ROBO2: variants seen among roughly 807,000 people sequenced by gnomAD.
ROBO2 encodes the protein roundabout guidance receptor 2, also known as roundabout homolog 2.
Under a neutral mutation model 160.8 loss-of-function variants are expected in ROBO2, and 53 were observed. That is an observed-to-expected ratio of 0.33 (90% CI 0.26 to 0.41). The LOEUF (loss-of-function observed/expected upper bound fraction) is 0.41. Among genes scored for constraint, ROBO2 ranks in the 10% least tolerant of loss-of-function variants. The pLI is 1.00. For synonymous variants in ROBO2, 664 were observed against 611.7 expected, an observed-to-expected ratio of 1.09 and a Z score of -1.26; for missense variants, 1,577 against 1,722.4, an observed-to-expected ratio of 0.92 and a Z score of 1.49.
At chr3:76,961,261 A>AAC (rs1553707540) in intron 2 of ROBO2, among the ~76,000 whole-genome samples, 1 of 151,794 alleles carries the variant, frequency 6.6e-6, no homozygotes, top group African/African-American at 2.4e-5. Context: ...AAAAAAAAAA[A>AAC]AAAAAAACAC....
At chr3:76,788,044 C>CT (rs936503625) in intron 2 of ROBO2, among the ~76,000 whole-genome samples, 36 of 148,452 alleles carry the variant, frequency 2.4e-4, no homozygotes, top group East Asian at 1.6e-3. Flanking sequence ...ACAAACAAGA[C>CT]TTTTTTTTTT....
chr3:76,502,526 T>A (rs1049843414), intron 2 of ROBO2, among the ~76,000 whole-genome samples: 1 of 152,224 alleles, frequency 6.6e-6, no homozygotes, highest in Non-Finnish European at 1.5e-5. Context: ...ACATTTTACT[T>A]AGAAATAAAA....
At chr3:76,440,278 T>A (rs2076867198) in intron 2 of ROBO2, among the ~76,000 whole-genome samples, 1 of 152,042 alleles carries the variant, frequency 6.6e-6, no homozygotes, top group South Asian at 2.1e-4. Context: ...TACATTAAGT[T>A]TTAGGATACA....
chr3:77,394,322 G>C (rs890115743), intron 2 of ROBO2, among the ~76,000 whole-genome samples: 1 of 152,096 alleles, frequency 6.6e-6, no homozygotes, highest in Non-Finnish European at 1.5e-5. Context: ...CTGGGAGGGA[G>C]ATGCCGTTGG....
chr3:76,436,424 C>T (rs542661866), intron 2 of ROBO2, among the ~76,000 whole-genome samples: 1 of 152,296 alleles, frequency 6.6e-6, no homozygotes, highest in Admixed American at 6.5e-5. Flanking sequence ...TGTCCAAGCA[C>T]CTGAACAGAG....
At chr3:75,919,600 C>T (rs990138936) in intron 1 of ROBO2, among the ~76,000 whole-genome samples, 9 of 152,076 alleles carry the variant, frequency 5.9e-5, no homozygotes, top group African/African-American at 2.2e-4. Context: ...AGAATAGTTT[C>T]AGAAGGAATG....
intron 2 of ROBO2, among the ~76,000 whole-genome samples, chr3:76,058,078 A>T (rs961185019): frequency 2.2e-5 from 3 of 138,822 alleles, no homozygotes; most frequent in African/African-American, 8.7e-5. Context: ...AATTGTACTC[A>T]TTATAAAGAG....
chr3:77,603,875 C>T (rs1028639994), intron 20 of ROBO2: 1 of 151,976 alleles, frequency 6.6e-6, no homozygotes, highest in African/African-American at 2.4e-5. Context: ...TTCCATGACC[C>T]CACTTGTTTA....
At chr3:76,049,403 ATT>A (rs1167852972) in intron 2 of ROBO2, among the ~76,000 whole-genome samples, 34 of 53,760 alleles carry the variant, frequency 6.3e-4, no homozygotes, top group Middle Eastern at 0.016. Context: ...ATATATATAT[ATT>A]TTTTTTTTTT....
intron 2 of ROBO2, among the ~76,000 whole-genome samples, chr3:76,810,511 A>G (rs1481124750): frequency 6.6e-6 from 1 of 152,148 alleles, no homozygotes; most frequent in Non-Finnish European, 1.5e-5. Context: ...TTGGGTAGAA[A>G]TAAAGCATTT....
At chr3:77,447,454 T>A (rs1449177369) in intron 2 of ROBO2, among the ~76,000 whole-genome samples, 2 of 152,114 alleles carry the variant, frequency 1.3e-5, no homozygotes, top group Non-Finnish European at 2.9e-5. Flanking sequence ...CTGTTAAAAA[T>A]TTAACTTTTT....
chr3:77,269,870 A>C (rs1356398145), intron 2 of ROBO2, among the ~76,000 whole-genome samples: 1 of 152,138 alleles, frequency 6.6e-6, no homozygotes, highest in South Asian at 2.1e-4. Flanking sequence ...ATAATTTGGC[A>C]TCTAGAATGT....
At chr3:76,138,507 A>G (rs993402755) in intron 2 of ROBO2, among the ~76,000 whole-genome samples, 1 of 152,092 alleles carries the variant, frequency 6.6e-6, no homozygotes, top group African/African-American at 2.4e-5. Flanking sequence ...TGTGTGGAAC[A>G]GAATGGCACA....
intron 2 of ROBO2, among the ~76,000 whole-genome samples, chr3:76,803,943 A>G (rs1435697614): frequency 6.6e-6 from 1 of 152,232 alleles, no homozygotes; most frequent in African/African-American, 2.4e-5. Flanking sequence ...TGATGTGTTC[A>G]CTTAAAATGC....
intron 1 of ROBO2, among the ~76,000 whole-genome samples, chr3:75,930,010 A>C (rs1257457139): frequency 6.6e-6 from 1 of 152,148 alleles, no homozygotes; most frequent in Non-Finnish European, 1.5e-5. Context: ...TCATTTATTT[A>C]AGGCTTTAGA....
chr3:76,182,344 T>C (rs1701547215), intron 2 of ROBO2, among the ~76,000 whole-genome samples: 1 of 152,290 alleles, frequency 6.6e-6, no homozygotes, highest in East Asian at 1.9e-4. Context: ...TACGTTTTTC[T>C]CCATATTTCT....
chr3:77,643,034 T>G, intron 24 of ROBO2, 91 bp downstream of exon 26: 1 of 412,454 alleles, frequency 2.4e-6, no homozygotes. Context: ...TAAGGGCATC[T>G]GAAAAACATT....
At chr3:76,979,946 T>C in intron 2 of ROBO2, among the ~76,000 whole-genome samples, 1 of 149,734 alleles carries the variant, frequency 6.7e-6, no homozygotes, top group East Asian at 1.9e-4. Context: ...ATATAGAGAC[T>C]TGGTTAAAAA....
chr3:76,287,613 A>T (rs1708574621), intron 2 of ROBO2, among the ~76,000 whole-genome samples: 1 of 152,066 alleles, frequency 6.6e-6, no homozygotes, highest in South Asian at 2.1e-4. Context: ...TTCTTAAGTG[A>T]TTATTCTATT....
Sources: gnomAD v4.1 joint callset for allele counts (sites outside exome capture counted in the v4.1 genomes callset) on GRCh38, gnomAD v4.1.1 for gene constraint, MANE v1.5 for transcripts, NCBI Gene and HGNC (gene_info 2026-07-23, HGNC 2026-07-21) for gene names.